Variants in KANK1 observed in about 807,000 individuals in gnomAD.
The protein encoded by KANK1 is KN motif and ankyrin repeat domain-containing protein 1.
In KANK1, 109 loss-of-function variants were observed where a neutral mutation model predicts 106.2. That is an observed-to-expected ratio of 1.03 (90% CI 0.88 to 1.20). KANK1 has a LOEUF of 1.20. Among genes scored for constraint, KANK1 ranks in the 50% most tolerant of loss-of-function variants. The pLI, the probability that KANK1 is intolerant of heterozygous loss-of-function variation, is 0.00. For synonymous variants in KANK1, 873 were observed against 652.2 expected (o/e 1.34, Z -5.16); for missense variants, 2,399 against 1,710.7 (o/e 1.40, Z -7.10).
At position 511,527 on chromosome 9, in the gene KANK1, C is replaced by T. The variant is rs12000995; in HGVS notation, c.-84+6773C>T. Among the ~76,000 whole-genome samples the T allele has an allele frequency of 4.4e-3, 667 of 152,132 alleles. 5 individuals carry two copies. The highest frequency in any genetic ancestry group is 0.014 in the African/African-American group (588 of 41,438). On this transcript the variant is annotated intron_variant, in intron 1 of 11. Coordinates refer to ENST00000382297, the MANE Select transcript of KANK1 (RefSeq NM_015158.5). ...ATAAAAGCATCTCCTTTATTGGGTACTTGTGAGGATTGAATGAGTTAAAAC... is the reference window on the plus strand; with the variant it reads ...ATAAAAGCATCTCCTTTATTGGGTATTTGTGAGGATTGAATGAGTTAAAAC...
chr9:588,618 A>C (rs1028845294), intron 1 of KANK1, among the ~76,000 whole-genome samples: 3 of 152,150 alleles, frequency 2.0e-5, no homozygotes. Flanking sequence ...AAAACATTCT[A>C]GGTATTCCTT....
At chr9:594,497 C>T (rs1825752375) in intron 1 of KANK1, among the ~76,000 whole-genome samples, 1 of 151,838 alleles carries the variant, frequency 6.6e-6, no homozygotes. Context: ...CTAAATCCTC[C>T]ACCTTAACAT....
intron 3 of KANK1, among the ~76,000 whole-genome samples, chr9:493,767 G>C (rs1301012248): frequency 6.6e-6 from 1 of 151,798 alleles, no homozygotes; most frequent in African/African-American, 2.4e-5. Context: ...GGCTGGTCTT[G>C]AACTCCTGAC....
At chr9:728,047 G>A (rs1261397679) in intron 3 of KANK1, among the ~76,000 whole-genome samples, 2 of 152,032 alleles carry the variant, frequency 1.3e-5, no homozygotes, top group Non-Finnish European at 2.9e-5. Flanking sequence ...GAGATCTTAG[G>A]AGTGACAAAC....
At position 524,533 on chromosome 9, in the gene KANK1, T is replaced by C. The variant is rs900586381; in HGVS notation, c.-84+19779T>C. On this transcript the variant is annotated intron_variant, in intron 1 of 11. Transcript: ENST00000382297. Reference sequence around the variant, plus strand: ...TTGTGGGGTTTTTTGTTTGTTTGTTTTTGAAACTGTGTCTTGGCCTGTCAC... The same window carrying C: ...TTGTGGGGTTTTTTGTTTGTTTGTTCTTGAAACTGTGTCTTGGCCTGTCAC... Among the ~76,000 whole-genome samples, 2 of 151,762 alleles carry C rather than the reference T, an allele frequency of 1.3e-5. 1 individual carries two copies. Among genetic ancestry groups the C allele is most frequent in the African/African-American group, 4.9e-5 (2 of 41,034 alleles).
chr9:580,507 C>G (rs1264776035), intron 1 of KANK1, among the ~76,000 whole-genome samples: 1 of 152,212 alleles, frequency 6.6e-6, no homozygotes, highest in Non-Finnish European at 1.5e-5. Context: ...TGACAGGGTG[C>G]TGATTGGTGC....
chr9:712,959 C>A lies in KANK1; in HGVS notation c.2193C>A (p.Thr731=), dbSNP rs751430726. 2.0e-5 allele frequency: 32 copies of A among 1,614,062 alleles called. No individual in the cohort carries two copies. In the South Asian group the frequency reaches 3.3e-4, roughly 17 times the overall value. Residue 731 remains threonine, a synonymous_variant, in exon 3 of 12, where the codon ACC becomes ACA. Transcript: ENST00000382297. ...GTGTCAAGGACATCAACTCCTCCAC[C>A]AAGACGCGGTCCATTGGTGTTGGAA... ...EGRVKDINSS[T]KTRSIGVGTL...
In KANK1 at chr9:633,633, A is replaced by G. The variant is rs79876632; in HGVS notation, c.-83-43257A>G. Among the ~76,000 whole-genome samples, 288 of 152,142 alleles carry G rather than the reference A, an allele frequency of 1.9e-3. 1 individual carries two copies. Among genetic ancestry groups the G allele is most frequent in the Middle Eastern group, 6.8e-3 (2 of 294 alleles). ...ATAATTCATTCTGACTCATCTTTCC[A>G]GGCTTACTGTTTAAATATGTTTTAT... is the stretch of plus-strand genomic sequence containing the variant. On this transcript the variant is annotated intron_variant, in intron 1 of 11. Transcript: ENST00000382297.
intron 1 of KANK1, among the ~76,000 whole-genome samples, chr9:576,082 C>T (rs975056892): frequency 2.6e-5 from 4 of 152,168 alleles, no homozygotes; most frequent in African/African-American, 9.7e-5. Context: ...GGACCAGCAT[C>T]ATTCACATCA....
At chr9:553,499 T>C (rs1465613872) in intron 1 of KANK1, among the ~76,000 whole-genome samples, 4 of 152,230 alleles carry the variant, frequency 2.6e-5, no homozygotes, top group Non-Finnish European at 4.4e-5. Flanking sequence ...CAGCTTCATA[T>C]CTTCTCAGGG....
rs778555326 is a variant in KANK1 at position 731,141 on chromosome 9, CCTTGA to C, written c.2897-13_2897-9del. On this transcript the variant is annotated splice_polypyrimidine_tract_variant and intron_variant, in intron 4 of 11. Coordinates refer to ENST00000382297, the MANE Select transcript of KANK1 (RefSeq NM_015158.5). ...TGGGTGTGAGTTTTCATTTTTATTGCCTTGACTTTTTCACAGCATGTACAAACAAT... is the reference window on the plus strand; with the variant it reads ...TGGGTGTGAGTTTTCATTTTTATTGCCTTTTTCACAGCATGTACAAACAAT... 1.0e-5 allele frequency: 15 copies of C among 1,463,360 alleles called. No individual in the cohort carries two copies. Among genetic ancestry groups the C allele is most frequent in the African/African-American group, 7.0e-5 (5 of 71,360 alleles). 90.6% of individuals were successfully genotyped at this position (1,463,360 alleles called of 1,614,324 possible). A position where few individuals can be genotyped will look rare whatever the true frequency, so the allele number is the denominator to read the frequency against.
At chr9:642,533 C>G (rs1166769491) in intron 1 of KANK1, among the ~76,000 whole-genome samples, 1 of 150,870 alleles carries the variant, frequency 6.6e-6, no homozygotes, top group Admixed American at 6.6e-5. Context: ...TTGTAAATTT[C>G]CTGTAGAAAA....
At chr9:525,138 G>A (rs1443301450) in intron 1 of KANK1, among the ~76,000 whole-genome samples, 2 of 151,162 alleles carry the variant, frequency 1.3e-5, no homozygotes, top group Non-Finnish European at 2.9e-5. Flanking sequence ...GGGACTACAG[G>A]CATGCGCCAC....
chr9:647,999 CTTTT>C (rs59053892), intron 1 of KANK1, among the ~76,000 whole-genome samples: 1 of 118,326 alleles, frequency 8.5e-6, no homozygotes, highest in Non-Finnish European at 1.7e-5. Flanking sequence ...GGGTTGTTAT[CTTTT>C]TTTTTTTTTT....
intron 1 of KANK1, among the ~76,000 whole-genome samples, chr9:528,469 C>CTTTTTTTTTTTTTTTTTTTTT (rs36072780): frequency 9.4e-5 from 8 of 85,126 alleles, no homozygotes; most frequent in African/African-American, 1.3e-4. Flanking sequence ...TAAAAAATAA[C>CTTTTTTTTTTTTTTTTTTTTT]TTTTTTTTTT....
At chr9:704,600 T>A (rs1407923144) in intron 2 of KANK1, among the ~76,000 whole-genome samples, 1 of 152,184 alleles carries the variant, frequency 6.6e-6, no homozygotes, top group Non-Finnish European at 1.5e-5. Flanking sequence ...CCACCCCTAT[T>A]CATTCACCTC....
At chr9:609,574 G>C (rs1241216578) in intron 1 of KANK1, among the ~76,000 whole-genome samples, 1 of 152,158 alleles carries the variant, frequency 6.6e-6, no homozygotes, top group Non-Finnish European at 1.5e-5. Context: ...AGGTTGCAAT[G>C]AGCTGAGATC....
intron 2 of KANK1, among the ~76,000 whole-genome samples, chr9:687,136 A>G (rs1337928831): frequency 3.3e-5 from 5 of 152,096 alleles, no homozygotes; most frequent in African/African-American, 9.7e-5. Context: ...CAGTGAGTTC[A>G]TTCATTCAGT....
Position 523,507 on chromosome 9 carries a change from C to T in KANK1, c.-84+18753C>T, listed in dbSNP as rs186689666. On this transcript the variant is annotated intron_variant, in intron 1 of 11. Coordinates refer to ENST00000382297, the MANE Select transcript of KANK1 (RefSeq NM_015158.5). ...AAACAAAAGTCACATTGTGGCACTGCGTAGACTCTCTGTTGGCTCCTTGTT... is the reference window on the plus strand; with the variant it reads ...AAACAAAAGTCACATTGTGGCACTGTGTAGACTCTCTGTTGGCTCCTTGTT... Among the ~76,000 whole-genome samples the T allele has an allele frequency of 7.2e-5, 11 of 151,890 alleles. 1 individual carries two copies. The highest frequency in any genetic ancestry group is 2.6e-4 in the Admixed American group (4 of 15,292).
Sources: gnomAD v4.1 joint callset for allele counts (sites outside exome capture counted in the v4.1 genomes callset) on GRCh38, gnomAD v4.1.1 for gene constraint, MANE v1.5 for transcripts, NCBI Gene and HGNC (gene_info 2026-07-23, HGNC 2026-07-21) for gene names.